The following CALCOCO2 variants were observed in gnomAD, a reference collection of about 807,000 sequenced individuals.
CALCOCO2 encodes the protein calcium-binding and coiled-coil domain-containing protein 2.
A neutral mutation model predicts 62.5 loss-of-function variants in CALCOCO2; 42 were observed. The observed-to-expected ratio is 0.67, with a 90% confidence interval of 0.53 to 0.87. CALCOCO2 has a LOEUF of 0.87. Ranked by LOEUF, CALCOCO2 falls within the 40% of genes least tolerant of loss-of-function variation. CALCOCO2 has a pLI of 0.00. For synonymous variants in CALCOCO2, 167 were observed against 173.0 expected, an observed-to-expected ratio of 0.97 and a Z score of 0.27; for missense variants, 456 against 515.0, an observed-to-expected ratio of 0.89 and a Z score of 1.11.
rs56280364 is a variant in CALCOCO2 at position 48,845,371 on chromosome 17, C to CTGTGTG, written c.181-2647_181-2642dup. Reference sequence around the variant, plus strand: ...TGTGTATTGCCTAATTAAATCCTCACTGTGTGTGTGTGTGTGTGTGTGTGT... The same window carrying CTGTGTG: ...TGTGTATTGCCTAATTAAATCCTCACTGTGTGTGTGTGTGTGTGTGTGTGTGTGTGT... On this transcript the variant is annotated intron_variant, in intron 2 of 12. Transcript: ENST00000258947. Among the ~76,000 whole-genome samples, 200 of 116,266 alleles carry CTGTGTG rather than the reference C, an allele frequency of 1.7e-3. 1 individual carries two copies. The highest frequency in any genetic ancestry group is 9.2e-3 in the Middle Eastern group (2 of 218). 76.3% of individuals were successfully genotyped at this position (116,266 alleles called of 152,430 possible). A position where few individuals can be genotyped will look rare whatever the true frequency, so the allele number is the denominator to read the frequency against.
At chr17:48,834,850 C>T (rs897976629) in intron 1 of CALCOCO2, among the ~76,000 whole-genome samples, 5 of 152,140 alleles carry the variant, frequency 3.3e-5, no homozygotes, top group African/African-American at 1.2e-4. Flanking sequence ...GAATTCAAGA[C>T]CAGCCTGGGC....
intron 10 of CALCOCO2, among the ~76,000 whole-genome samples, chr17:48,858,031 ATAG>A (rs374153085): frequency 0.019 from 310 of 15,916 alleles, 1 homozygote; most frequent in African/African-American, 0.038. Context: ...ATAGAATAGA[ATAG>A]AATAGAATAG....
chr17:48,837,149 G>A (rs550422502), intron 1 of CALCOCO2, among the ~76,000 whole-genome samples: 1 of 152,280 alleles, frequency 6.6e-6, no homozygotes, highest in South Asian at 2.1e-4. Flanking sequence ...AGATAAATTG[G>A]TGCTCCAGGC....
At position 48,858,046 on chromosome 17, in the gene CALCOCO2, A is replaced by ATAGAAAATAGAATAG; in HGVS notation, c.1008+1859_1008+1860insTAGAAAATAGAATAG. On this transcript the variant is annotated intron_variant, in intron 10 of 12. Transcript: ENST00000258947. ...ATAGAATAGAATAGAATAGAATAGA[A>ATAGAAAATAGAATAG]AATAGAATAGAATAGAATAGAATAG... Among the ~76,000 whole-genome samples, 50 of 40,006 alleles carry ATAGAAAATAGAATAG rather than the reference A, an allele frequency of 1.2e-3. 1 individual carries two copies. Among genetic ancestry groups the ATAGAAAATAGAATAG allele is most frequent in the African/African-American group, 4.1e-3 (44 of 10,768 alleles). 26.2% of individuals were successfully genotyped at this position (40,006 alleles called of 152,430 possible).
At chr17:48,847,870 G>T (rs2040073674) in intron 2 of CALCOCO2, 194 bp from the exon 3 acceptor site, 2 of 492,626 alleles carry the variant, frequency 4.1e-6, no homozygotes, top group East Asian at 7.3e-5. Flanking sequence ...GCCCAGGCTG[G>T]TCTCAAACTA....
intron 2 of CALCOCO2, among the ~76,000 whole-genome samples, chr17:48,845,145 A>T (rs899067538): frequency 1.4e-4 from 22 of 151,748 alleles, no homozygotes; most frequent in Admixed American, 7.9e-4. Context: ...CAAAAAAAAA[A>T]TTTTTTTTAA....
chr17:48,835,446 C>T (rs1270251183), intron 1 of CALCOCO2, among the ~76,000 whole-genome samples: 1 of 152,132 alleles, frequency 6.6e-6, no homozygotes, highest in Non-Finnish European at 1.5e-5. Flanking sequence ...TTCTCAATAC[C>T]TCACATGCCA....
rs1567752968 is a variant in CALCOCO2, at chr17:48,846,102, TA to T, written c.181-1961del. ...CTGGTAGTATCTGGCACCAGGTAGG[TA>T]CTCAGTAACTCTTTTTATTTTTTAT... On this transcript the variant is annotated intron_variant, in intron 2 of 12. Transcript: ENST00000258947. 5.4e-6 allele frequency: 7 copies of T among 1,294,440 alleles called. No individual in the cohort carries two copies. The Admixed American group carries it at 6.5e-5, about 12-fold the overall frequency. The allele number at this position is 1,294,440 out of a possible 1,614,324, so 80.2% of individuals were successfully genotyped here.
chr17:48,856,059 G>T, intron 9 of CALCOCO2, 33 bp from the exon 10 acceptor site: 3 of 1,165,900 alleles, frequency 2.6e-6, no homozygotes, highest in Non-Finnish European at 3.8e-6. Context: ...TGCAATATGT[G>T]ATCCTAATCC....
rs1347374685 is a variant in CALCOCO2 at position 48,862,946 on chromosome 17, A to G, written c.1282A>G (p.Ile428Val). ...LCFNCPICDK[I>V]FPATEKQIFE... ...TTTCAATTGTCCAATTTGTGACAAGATCTTCCCAGCTACAGAGAAGCAGAT... is the reference window on the plus strand; with the variant it reads ...TTTCAATTGTCCAATTTGTGACAAGGTCTTCCCAGCTACAGAGAAGCAGAT... Residue 428 changes from isoleucine (I) to valine (V), a missense_variant, in exon 13 of 13, where the codon ATC becomes GTC. Transcript: ENST00000258947. 4 of 1,613,756 alleles carry G rather than the reference A, an allele frequency of 2.5e-6. No homozygotes were observed. The highest frequency in any genetic ancestry group is 3.4e-6 in the Non-Finnish European group (4 of 1,179,718).
chr17:48,832,130 C>G (rs1471235780), intron 1 of CALCOCO2, among the ~76,000 whole-genome samples: 1 of 152,222 alleles, frequency 6.6e-6, no homozygotes, highest in East Asian at 1.9e-4. Flanking sequence ...CGGTGGCTCA[C>G]GCCTGTAATC....
At chr17:48,857,501 T>TTTTTTC (rs2040236716) in intron 10 of CALCOCO2, among the ~76,000 whole-genome samples, 1 of 86,934 alleles carries the variant, frequency 1.2e-5, no homozygotes, top group African/African-American at 6.3e-5. Context: ...CCGGCCCTTT[T>TTTTTTC]TTTTTTTTTT....
intron 12 of CALCOCO2, 68 bp from the exon 13 acceptor site, chr17:48,862,770 G>A: frequency 3.0e-6 from 4 of 1,316,770 alleles, no homozygotes; most frequent in Non-Finnish European, 4.4e-6. Flanking sequence ...TACAGTGGAA[G>A]ACAGGATGGC....
intron 1 of CALCOCO2, among the ~76,000 whole-genome samples, chr17:48,832,546 G>A (rs1339371648): frequency 2.6e-5 from 4 of 152,178 alleles, no homozygotes; most frequent in Non-Finnish European, 5.9e-5. Context: ...CAAGGTCCTT[G>A]AAGATTTTCT....
chr17:48,849,544 C>T (rs1038567413), intron 5 of CALCOCO2, among the ~76,000 whole-genome samples, 167 bp downstream of exon 5: 2 of 152,140 alleles, frequency 1.3e-5, no homozygotes, highest in Non-Finnish European at 2.9e-5. Context: ...CTCACTGTGT[C>T]ACCCAGGCTG....
chr17:48,858,011 A>AT lies in CALCOCO2; in HGVS notation c.1008+1825dup, dbSNP rs2040251930. Among the ~76,000 whole-genome samples the AT allele has an allele frequency of 1.2e-4, 2 of 16,266 alleles. 1 individual carries two copies. The highest frequency in any genetic ancestry group is 2.6e-4 in the African/African-American group (2 of 7,656). The allele number at this position is 16,266 out of a possible 152,430, so 10.7% of individuals were successfully genotyped here. ...ATAGAATAGAATAGAATAGAATAGA[A>AT]TAGAATAGAATAGAATAGAATAGAA... is the stretch of plus-strand genomic sequence containing the variant. On this transcript the variant is annotated intron_variant, in intron 10 of 12. Transcript: ENST00000258947.
intron 9 of CALCOCO2, 60 bp downstream of exon 9, chr17:48,853,072 A>G (rs2143639473): frequency 1.8e-6 from 2 of 1,121,176 alleles, no homozygotes; most frequent in East Asian, 2.4e-5. Flanking sequence ...GAAGAAAAGG[A>G]TATGGGCCTA....
rs2040373872 is a variant in CALCOCO2, at chr17:48,864,950, T to TAA, written c.*1946_*1947dup. ...CATTTATTTTGTACCAGTCAGCTCT[T>TAA]AATTAAGTACATGAATGGAGAGGAA... On this transcript the variant is annotated 3_prime_UTR_variant, in exon 13 of 13. Transcript: ENST00000258947. 1 of 152,174 alleles carries TAA rather than the reference T, an allele frequency of 6.6e-6. No individual in the cohort carries two copies. The highest frequency in any genetic ancestry group is 1.5e-5 in the Non-Finnish European group (1 of 68,024). The allele number at this position is 152,174 out of a possible 1,614,324, so 9.4% of individuals were successfully genotyped here.
intron 10 of CALCOCO2, chr17:48,856,603 G>A: frequency 2.2e-6 from 1 of 456,428 alleles, no homozygotes. Context: ...GTCTGTACCA[G>A]TGCTGGACCC....
Sources: allele counts gnomAD v4.1 joint callset (sites outside exome capture counted in the v4.1 genomes callset), GRCh38; gene constraint gnomAD v4.1.1; transcripts MANE v1.5; gene names NCBI Gene and HGNC (gene_info 2026-07-23, HGNC 2026-07-21).